Variants in ZNF827 observed in about 807,000 individuals in gnomAD.
ZNF827 encodes zinc finger protein 827.
In ZNF827, 13 loss-of-function variants were observed where a neutral mutation model predicts 102.4. That is an observed-to-expected ratio of 0.13 (90% CI 0.08 to 0.20). The LOEUF is 0.20. Among genes scored for constraint, ZNF827 ranks in the 10% least tolerant of loss-of-function variants. The pLI, the probability that ZNF827 is intolerant of heterozygous loss-of-function variation, is 1.00. For synonymous variants in ZNF827, 523 were observed against 536.2 expected (o/e 0.98, Z 0.34); for missense variants, 1,103 against 1,344.4 (o/e 0.82, Z 2.81).
At chr4:145,889,098 G>A (rs181541406) in intron 3 of ZNF827, among the ~76,000 whole-genome samples, 134 of 152,260 alleles carry the variant, frequency 8.8e-4, no homozygotes, top group Middle Eastern at 3.4e-3. Flanking sequence ...ATCATTCTTG[G>A]TGATGGGATT....
At chr4:145,916,273 C>A (rs1443630836) in intron 1 of ZNF827, among the ~76,000 whole-genome samples, 1 of 152,208 alleles carries the variant, frequency 6.6e-6, no homozygotes. Flanking sequence ...AGCCATATGC[C>A]CACAGCTCTT....
chr4:145,784,488 T>G (rs1738560138), intron 8 of ZNF827, among the ~76,000 whole-genome samples: 1 of 152,158 alleles, frequency 6.6e-6, no homozygotes, highest in East Asian at 1.9e-4. Context: ...TGTGAAGAAC[T>G]CTCCATATTC....
intron 8 of ZNF827, among the ~76,000 whole-genome samples, chr4:145,814,727 C>T (rs1742399801): frequency 6.8e-6 from 1 of 147,544 alleles, no homozygotes; most frequent in Non-Finnish European, 1.5e-5. Flanking sequence ...AGTTCAAGAC[C>T]AGCCTGGCCA....
rs2126844542 is a variant in ZNF827 at position 145,761,775 on chromosome 4, TGCTGACAGAGCAGTCCCC to T, written c.*18-195_*18-178del. On this transcript the variant is annotated intron_variant, in intron 14 of 14. Coordinates refer to ENST00000508784, the MANE Select transcript of ZNF827 (RefSeq NM_001306215.2). This position sits in a 1 kb window ranked among gnomAD's most constrained non-coding sequence, Gnocchi z 6.8. ...TGGAACGGCCCTTTTTGGCTCTCCCTGCTGACAGAGCAGTCCCCGCTGACAAGCAGCTCTGGCAAGGTC... is the reference window on the plus strand; with the variant it reads ...TGGAACGGCCCTTTTTGGCTCTCCCTGCTGACAAGCAGCTCTGGCAAGGTC... 6.6e-6 allele frequency among the ~76,000 whole-genome samples: 1 copy of T among 152,220 alleles called. No homozygotes were observed. Among genetic ancestry groups the T allele is most frequent in the Admixed American group, 6.5e-5 (1 of 15,302 alleles).
chr4:145,760,833 G>C lies in ZNF827; in HGVS notation c.*783C>G, dbSNP rs1174619385. The stretch of plus-strand genomic sequence containing the variant: ...CGAGATAGGCCAGGAAGGAGTGTTT[G>C]GGTGAGGGGATGCTGGGAGGCGCAG... On this transcript the variant is annotated 3_prime_UTR_variant, in exon 15 of 15. Coordinates refer to ENST00000508784, the MANE Select transcript of ZNF827 (RefSeq NM_001306215.2). The C allele has an allele frequency of 1.7e-6, 2 of 1,203,106 alleles. No individual in the cohort carries two copies. The highest frequency in any genetic ancestry group is 2.1e-6 in the Non-Finnish European group (2 of 947,572). 74.5% of individuals were successfully genotyped at this position (1,203,106 alleles called of 1,614,324 possible). A position where few individuals can be genotyped will look rare whatever the true frequency, so the allele number is the denominator to read the frequency against.
chr4:145,827,650 C>T (rs531606032), intron 7 of ZNF827, among the ~76,000 whole-genome samples: 134 of 152,334 alleles, frequency 8.8e-4, no homozygotes, highest in African/African-American at 2.8e-3. Context: ...ACTATGGCTA[C>T]ATACACAACT....
At chr4:145,804,934 T>C (rs530387223) in intron 8 of ZNF827, among the ~76,000 whole-genome samples, 1 of 152,308 alleles carries the variant, frequency 6.6e-6, no homozygotes, top group South Asian at 2.1e-4. Flanking sequence ...TGATATAACA[T>C]TTAGAAAATG....
chr4:145,913,289 G>T (rs1752423040), intron 1 of ZNF827, among the ~76,000 whole-genome samples: 1 of 151,924 alleles, frequency 6.6e-6, no homozygotes, highest in Admixed American at 6.6e-5. Context: ...AGCCAAGTGT[G>T]GTGGTGCATG....
chr4:145,792,079 A>G (rs1195081427), intron 8 of ZNF827, among the ~76,000 whole-genome samples: 1 of 152,230 alleles, frequency 6.6e-6, no homozygotes, highest in African/African-American at 2.4e-5. Flanking sequence ...TTCTGGCCTC[A>G]AGATTTCTAT....
At chr4:145,771,914 A>C (rs531320210) in intron 11 of ZNF827, among the ~76,000 whole-genome samples, 89 of 152,350 alleles carry the variant, frequency 5.8e-4, no homozygotes, top group African/African-American at 1.8e-3. Flanking sequence ...AAATTAGAGA[A>C]TCTTAGGCCT....
chr4:145,809,252 A>G lies in ZNF827; in HGVS notation c.2383+14170T>C, dbSNP rs562108540. Among the ~76,000 whole-genome samples, 4 of 152,356 alleles carry G rather than the reference A, an allele frequency of 2.6e-5. 1 individual carries two copies. The East Asian group carries it at 5.8e-4, about 22-fold the overall frequency. On this transcript the variant is annotated intron_variant, in intron 8 of 14. Transcript: ENST00000508784. Reference sequence around the variant, plus strand: ...TATTTTCTCCTTTGTTCAAAATGAAACTAACTTATTGGTGTTTTCTGATTG... The same window carrying G: ...TATTTTCTCCTTTGTTCAAAATGAAGCTAACTTATTGGTGTTTTCTGATTG...
intron 1 of ZNF827, among the ~76,000 whole-genome samples, chr4:145,916,681 G>A (rs1475745110): frequency 1.3e-5 from 2 of 152,174 alleles, no homozygotes; most frequent in African/African-American, 4.8e-5. Context: ...TGGCCAGGCT[G>A]AGAATCCTTC....
At chr4:145,790,266 C>G (rs1390228717) in intron 8 of ZNF827, among the ~76,000 whole-genome samples, 1 of 152,080 alleles carries the variant, frequency 6.6e-6, no homozygotes, top group Non-Finnish European at 1.5e-5. Context: ...AGAATTTCCT[C>G]TTTTCTCTTG....
chr4:145,783,608 C>T (rs1273396877), intron 8 of ZNF827, among the ~76,000 whole-genome samples: 2 of 152,340 alleles, frequency 1.3e-5, no homozygotes. Flanking sequence ...CTGCCTTCTC[C>T]AGCCATGGAA....
intron 7 of ZNF827, among the ~76,000 whole-genome samples, chr4:145,840,855 A>G (rs1745346414): frequency 2.0e-5 from 3 of 152,240 alleles, no homozygotes; most frequent in African/African-American, 4.8e-5. Context: ...GATGATTCCA[A>G]GTGAATATGT....
chr4:145,937,405 C>G (rs1474431465), intron 1 of ZNF827, among the ~76,000 whole-genome samples: 2 of 151,954 alleles, frequency 1.3e-5, no homozygotes, highest in African/African-American at 2.4e-5. Flanking sequence ...TCCGACTGAC[C>G]CCGCATTTTA....
chr4:145,835,716 T>A (rs971631360), intron 7 of ZNF827, among the ~76,000 whole-genome samples: 1 of 127,688 alleles, frequency 7.8e-6, no homozygotes, highest in Non-Finnish European at 1.6e-5. Flanking sequence ...CTAATCACCC[T>A]TACCCCACTC....
At chr4:145,832,301 C>CCA (rs58517710) in intron 7 of ZNF827, 19,953 of 147,652 alleles carry the variant, frequency 0.14, 1,449 homozygotes, top group African/African-American at 0.21. Flanking sequence ...CAAAACAAAA[C>CCA]CACACACACA....
At chr4:145,918,508 C>A (rs370216257) in intron 1 of ZNF827, among the ~76,000 whole-genome samples, 45 of 132,164 alleles carry the variant, frequency 3.4e-4, no homozygotes, top group South Asian at 4.8e-4. Context: ...GACCCAGTCT[C>A]AAAAAAAAAA....
Sources: allele counts gnomAD v4.1 joint callset (sites outside exome capture counted in the v4.1 genomes callset), GRCh38; gene constraint gnomAD v4.1.1; non-coding constraint Gnocchi (gnomAD v3.1); transcripts MANE v1.5; gene names NCBI Gene and HGNC (gene_info 2026-07-23, HGNC 2026-07-21).